Variants in ANKRD13B observed in about 807,000 individuals in gnomAD.
The protein encoded by ANKRD13B is ankyrin repeat domain 13B.
A neutral mutation model predicts 74.4 loss-of-function variants in ANKRD13B; 33 were observed. The ratio of observed to expected loss-of-function variants is 0.44; its 90% CI spans 0.34 to 0.59. ANKRD13B has a LOEUF of 0.59. Among genes scored for constraint, ANKRD13B ranks in the 20% least tolerant of loss-of-function variants. The probability of loss-of-function intolerance (pLI) is 0.02; values close to 1 mark genes in which losing one functional copy is unlikely to be tolerated. For synonymous variants in ANKRD13B, 341 were observed against 362.9 expected (o/e 0.94, Z 0.68); for missense variants, 676 against 877.9 (o/e 0.77, Z 2.91).
At position 29,613,371 on chromosome 17, in the gene ANKRD13B, C is replaced by T. The variant is rs1207781560; in HGVS notation, c.1670C>T (p.Pro557Leu). 10 of 1,473,410 alleles carry T rather than the reference C, an allele frequency of 6.8e-6. No individual in the cohort carries two copies. Among genetic ancestry groups the T allele is most frequent in the Middle Eastern group, 2.4e-4 (1 of 4,252 alleles). The allele number at this position is 1,473,410 out of a possible 1,614,324, so 91.3% of individuals were successfully genotyped here. A position where few individuals can be genotyped will look rare whatever the true frequency, so the allele number is the denominator to read the frequency against. Residue 557 changes from proline to leucine, a missense_variant, in exon 15 of 15, where the codon CCG becomes CTG. Transcript: ENST00000394859. ...ACCCCCAGGAGCGCCCCGCCCACGC[C>T]GCAGCGCCAGCCTGCGCCCCCGGCG... is the stretch of plus-strand genomic sequence containing the variant. ...RRQDRSAPPT[P>L]QRQPAPPASV...
chr17:29,610,649 G>T (rs2034549476), intron 7 of ANKRD13B, 36 bp from the exon 8 acceptor site: 1 of 1,606,564 alleles, frequency 6.2e-7, no homozygotes, highest in African/African-American at 1.3e-5. Context: ...GGTAAGACCA[G>T]AACTGCTTAT....
rs941882494 is a variant in ANKRD13B at position 29,609,161 on chromosome 17, A to G, written c.641A>G (p.Gln214Arg). The change falls in exon 6 of 15, where the codon CAG becomes CGG. Residue 214 changes from glutamine (Q) to arginine (R), a missense_variant. This residue lies in a region of ANKRD13B where 328 missense variants were observed against 518.4 expected (regional missense o/e 0.63). Transcript: ENST00000394859. The surrounding 1 kb of genome is among the most constrained non-coding windows in gnomAD (Gnocchi z 4.0). Reference protein sequence around the residue: ...VYTETLALAGQDRELLLAAAQ... With the variant: ...VYTETLALAGRDRELLLAAAQ... ...ACAGAGACTCTGGCACTGGCTGGGC[A>G]GGACCGGGAGCTGCTGCTGGCTGCT... The G allele has an allele frequency of 6.2e-7, 1 of 1,612,396 alleles. No homozygotes were observed. The highest frequency in any genetic ancestry group is 1.3e-5 in the African/African-American group (1 of 75,070).
chr17:29,613,888 G>A lies in ANKRD13B; in HGVS notation c.*306G>A. 2 of 379,692 alleles carry A rather than the reference G, an allele frequency of 5.3e-6. No homozygotes were observed. The highest frequency in any genetic ancestry group is 4.3e-5 in the East Asian group (1 of 23,104). 23.5% of individuals were successfully genotyped at this position (379,692 alleles called of 1,614,324 possible). A position where few individuals can be genotyped will look rare whatever the true frequency, so the allele number is the denominator to read the frequency against. On this transcript the variant is annotated 3_prime_UTR_variant, in exon 15 of 15. Coordinates refer to ENST00000394859, the MANE Select transcript of ANKRD13B (RefSeq NM_152345.5). ...CTAGGGCGGAGCCAGGCGGTCCTGA[G>A]GGGGAGATGAATCCTTAGAGGAGCG... is the stretch of plus-strand genomic sequence containing the variant.
At chr17:29,610,909 G>A in intron 8 of ANKRD13B, 143 bp downstream of exon 8, 2 of 834,212 alleles carry the variant, frequency 2.4e-6, no homozygotes, top group Non-Finnish European at 1.9e-6. Flanking sequence ...CAATTCAGGT[G>A]CCAAGCCCTA....
Position 29,612,524 on chromosome 17 carries a change from T to G in ANKRD13B, c.1381T>G (p.Ser461Ala), listed in dbSNP as rs779002980. The stretch of plus-strand genomic sequence containing the variant: ...CGAGACGCCTTCCCCAGGCAGCGAC[T>G]CCTCCAGCGTCAGCAGCTCCAGCTC... ...SSETPSPGSD[S>A]SSVSSSSSTT... Residue 461 changes from serine to alanine, a missense_variant, in exon 12 of 15, where the codon TCC becomes GCC. By Grantham distance (99) the Ser-to-Ala change is moderately conservative. Coordinates refer to ENST00000394859, the MANE Select transcript of ANKRD13B (RefSeq NM_152345.5). The surrounding 1 kb of genome is among the most constrained non-coding windows in gnomAD (Gnocchi z 6.1). The G allele has an allele frequency of 2.0e-5, 30 of 1,525,140 alleles. No homozygotes were observed. The highest frequency in any genetic ancestry group is 2.6e-5 in the Non-Finnish European group (30 of 1,136,472). The allele number at this position is 1,525,140 out of a possible 1,614,324, so 94.5% of individuals were successfully genotyped here.
intron 7 of ANKRD13B, among the ~76,000 whole-genome samples, 190 bp from the exon 8 acceptor site, chr17:29,610,495 A>G (rs1400143281): frequency 2.6e-5 from 4 of 152,166 alleles, no homozygotes; most frequent in African/African-American, 9.7e-5. Context: ...AAGGCTCCTC[A>G]AAAAATGTTT....
intron 1 of ANKRD13B, among the ~76,000 whole-genome samples, 157 bp from the exon 2 acceptor site, chr17:29,607,585 C>T (rs997869923): frequency 6.6e-6 from 1 of 152,202 alleles, no homozygotes; most frequent in Non-Finnish European, 1.5e-5. Flanking sequence ...CTTTCCGTTG[C>T]CCATAGTGTC....
intron 1 of ANKRD13B, among the ~76,000 whole-genome samples, chr17:29,606,158 G>A (rs1170815378): frequency 6.7e-6 from 1 of 150,358 alleles, no homozygotes; most frequent in Non-Finnish European, 1.5e-5. Flanking sequence ...TGATCTACCC[G>A]CCTCGGCCTC....
At chr17:29,594,278 G>A (rs1367643941) in intron 1 of ANKRD13B, among the ~76,000 whole-genome samples, 1 of 152,226 alleles carries the variant, frequency 6.6e-6, no homozygotes, top group African/African-American at 2.4e-5. Flanking sequence ...ACAGGGAGTG[G>A]AGAAAGACCC....
intron 1 of ANKRD13B, among the ~76,000 whole-genome samples, chr17:29,599,997 C>T (rs936507720): frequency 1.3e-5 from 2 of 151,278 alleles, no homozygotes; most frequent in African/African-American, 4.9e-5. Context: ...CTGCCTCAGC[C>T]TCCCGAGTAG....
rs756625885 is a variant in ANKRD13B at position 29,612,012 on chromosome 17, GC to G, written c.1100+10del. 1.6e-5 allele frequency: 25 copies of G among 1,610,478 alleles called. No homozygotes were observed. Among genetic ancestry groups the G allele is most frequent in the Non-Finnish European group, 2.1e-5 (25 of 1,178,266 alleles). On this transcript the variant is annotated splice_region_variant and intron_variant, in intron 10 of 14. Transcript: ENST00000394859. The surrounding 1 kb of genome is among the most constrained non-coding windows in gnomAD (Gnocchi z 6.1). ...CTGACCACCAAGACACAGAAGTGAGGCCCCTGCCGGTGCTGGGAAGGTGGGG... is the reference window on the plus strand; with the variant it reads ...CTGACCACCAAGACACAGAAGTGAGGCCCTGCCGGTGCTGGGAAGGTGGGG...
In ANKRD13B at chr17:29,608,584, G is replaced by A. The variant is rs528394200; in HGVS notation, c.422-267G>A. 86 of 575,562 alleles carry A rather than the reference G, an allele frequency of 1.5e-4. No homozygotes were observed. The East Asian group carries it at 2.3e-3, about 16-fold the overall frequency. 35.7% of individuals were successfully genotyped at this position (575,562 alleles called of 1,614,324 possible). A position where few individuals can be genotyped will look rare whatever the true frequency, so the allele number is the denominator to read the frequency against. On this transcript the variant is annotated intron_variant, in intron 4 of 14. Coordinates refer to ENST00000394859, the MANE Select transcript of ANKRD13B (RefSeq NM_152345.5). The surrounding 1 kb of genome is among the most constrained non-coding windows in gnomAD (Gnocchi z 6.4). The stretch of plus-strand genomic sequence containing the variant: ...TTTCATAAATATTTGTTGAAAGAAT[G>A]GATGAAAGAGTGAGTGAGTGAATTA...
chr17:29,608,063 G>A lies in ANKRD13B; in HGVS notation c.328G>A (p.Val110Met). The change falls in exon 3 of 15, where the codon GTG (valine) becomes ATG (methionine). Residue 110 changes from valine to methionine, a missense_variant. Around this residue, in one of 4 missense-constraint regions of ANKRD13B, gnomAD observed 328 missense variants for 518.4 expected, o/e 0.63. Coordinates refer to ENST00000394859, the MANE Select transcript of ANKRD13B (RefSeq NM_152345.5). The surrounding 1 kb of genome is among the most constrained non-coding windows in gnomAD (Gnocchi z 6.4). ...TCGGTACCGGGACTACCAGCGGGTG[G>A]TGAAGCGGCTGGCGGGCATCCCCGT... ...VLRYRDYQRV[V>M]KRLAGIPVLL... The A allele has an allele frequency of 6.2e-7, 1 of 1,613,510 alleles. No individual in the cohort carries two copies.
In ANKRD13B at chr17:29,613,450, C is replaced by G. The variant is rs1222953709; in HGVS notation, c.1749C>G (p.Phe583Leu). 1 of 1,532,636 alleles carries G rather than the reference C, an allele frequency of 6.5e-7. No homozygotes were observed. Among genetic ancestry groups the G allele is most frequent in the African/African-American group, 1.4e-5 (1 of 70,694 alleles). The allele number at this position is 1,532,636 out of a possible 1,614,324, so 94.9% of individuals were successfully genotyped here. Reference sequence around the variant, plus strand: ...GGCCAGGTTCCGGCGGCCACGTGTTCCGGAGCTACGACGAGCAGCTGCGGC... The same window carrying G: ...GGCCAGGTTCCGGCGGCCACGTGTTGCGGAGCTACGACGAGCAGCTGCGGC... ...SSGPGSGGHV[F>L]RSYDEQLRLA... Residue 583 changes from phenylalanine (F) to leucine (L), a missense_variant, in exon 15 of 15, where the codon TTC becomes TTG. This residue lies in a region of ANKRD13B where 108 missense variants were observed against 90.3 expected (regional missense o/e 1.20). Transcript: ENST00000394859.
Position 29,609,394 on chromosome 17 carries a change from G to A in ANKRD13B, c.795G>A (p.Thr265=), listed in dbSNP as rs549198487. The change falls in exon 7 of 15, where the codon ACG becomes ACA. Residue 265 remains threonine, a synonymous_variant. Coordinates refer to ENST00000394859, the MANE Select transcript of ANKRD13B (RefSeq NM_152345.5). The surrounding 1 kb of genome is among the most constrained non-coding windows in gnomAD (Gnocchi z 4.0). The part of the protein sequence containing the change: ...TGILGWRSEK[T]EMVNGYEAKV... ...TCCTGGGCTGGCGCAGTGAAAAGACGGAGATGGTGAATGGGTATGAAGCTA... is the reference window on the plus strand; with the variant it reads ...TCCTGGGCTGGCGCAGTGAAAAGACAGAGATGGTGAATGGGTATGAAGCTA... 20 of 1,613,454 alleles carry A rather than the reference G, an allele frequency of 1.2e-5. No individual in the cohort carries two copies. The highest frequency in any genetic ancestry group is 4.0e-5 in the African/African-American group (3 of 75,066).
chr17:29,607,068 A>G (rs1445113939), intron 1 of ANKRD13B, among the ~76,000 whole-genome samples: 3 of 152,086 alleles, frequency 2.0e-5, no homozygotes, highest in Admixed American at 2.0e-4. Flanking sequence ...AAACACAAAA[A>G]AAAACCCCAA....
rs200991847 is a variant in ANKRD13B at position 29,607,768 on chromosome 17, C to T, written c.141C>T (p.Arg47=). 8.3e-5 allele frequency: 133 copies of T among 1,600,948 alleles called. No homozygotes were observed. The East Asian group carries it at 1.1e-3, about 13-fold the overall frequency. Reference sequence around the variant, plus strand: ...TGGACATCGAGCAGCTGGATCCCCGCGGCCGGACTCCCCTGCACCTGGCCA... The same window carrying T: ...TGGACATCGAGCAGCTGGATCCCCGTGGCCGGACTCCCCTGCACCTGGCCA... ...GQVDIEQLDP[R]GRTPLHLATT... Residue 47 remains arginine (R), a synonymous_variant, in exon 2 of 15, where the codon CGC becomes CGT. Transcript: ENST00000394859.
At chr17:29,596,220 A>C (rs1442428429) in intron 1 of ANKRD13B, among the ~76,000 whole-genome samples, 4 of 152,228 alleles carry the variant, frequency 2.6e-5, no homozygotes, top group African/African-American at 7.2e-5. Context: ...CAGCATGGCC[A>C]CCTTCAGAGC....
In ANKRD13B at chr17:29,612,727, G is replaced by A. The variant is rs2034636742; in HGVS notation, c.1487G>A (p.Arg496Gln). The change falls in exon 13 of 15, where the codon CGG becomes CAG. Residue 496 changes from arginine to glutamine, a missense_variant. Physicochemically the swap from Arg to Gln is conservative, Grantham distance 43 (BLOSUM62 1). Transcript: ENST00000394859. This position sits in a 1 kb window ranked among gnomAD's most constrained non-coding sequence, Gnocchi z 6.1. ...GGCTACAGCATGATGGGCGGCCAGCGGGAGGCGGCGACCCGGGACGACGAC... is the reference window on the plus strand; with the variant it reads ...GGCTACAGCATGATGGGCGGCCAGCAGGAGGCGGCGACCCGGGACGACGAC... ...PRGYSMMGGQ[R>Q]EAATRDDDDD... 5.6e-6 allele frequency: 9 copies of A among 1,600,858 alleles called. No homozygotes were observed. Among genetic ancestry groups the A allele is most frequent in the Non-Finnish European group, 7.6e-6 (9 of 1,178,586 alleles).
Sources: allele counts gnomAD v4.1 joint callset (sites outside exome capture counted in the v4.1 genomes callset), GRCh38; gene constraint gnomAD v4.1.1; regional missense constraint gnomAD v4.1.1; non-coding constraint Gnocchi (gnomAD v3.1); transcripts MANE v1.5; gene names NCBI Gene and HGNC (gene_info 2026-07-23, HGNC 2026-07-21).